The following SKAP2 variants were observed in gnomAD, a reference collection of about 807,000 sequenced individuals.
The protein encoded by SKAP2 is src kinase-associated phosphoprotein 2.
In SKAP2, 28 loss-of-function variants were observed where a neutral mutation model predicts 54.9. The ratio of observed to expected loss-of-function variants is 0.51; its 90% CI spans 0.38 to 0.70. SKAP2 has a LOEUF of 0.70. Ranked by LOEUF, SKAP2 falls within the 30% of genes least tolerant of loss-of-function variation. The pLI, the probability that SKAP2 is intolerant of heterozygous loss-of-function variation, is 0.00. For synonymous variants in SKAP2, 137 were observed against 134.3 expected, an observed-to-expected ratio of 1.02 and a Z score of -0.14; for missense variants, 356 against 424.1, an observed-to-expected ratio of 0.84 and a Z score of 1.41.
At chr7:26,723,539 T>G (rs978464290) in intron 9 of SKAP2, among the ~76,000 whole-genome samples, 2 of 151,852 alleles carry the variant, frequency 1.3e-5, no homozygotes, top group African/African-American at 2.4e-5. Context: ...AACAATTATG[T>G]GTGAGGGTGG....
chr7:26,824,433 G>A (rs1784447304), intron 4 of SKAP2, among the ~76,000 whole-genome samples: 1 of 152,168 alleles, frequency 6.6e-6, no homozygotes, highest in African/African-American at 2.4e-5. Flanking sequence ...AATTTTCCCA[G>A]AGAAGGCATA....
chr7:26,661,307 T>C, the SKAP2 span, among the ~76,000 whole-genome samples: 17 of 152,200 alleles, frequency 1.1e-4, no homozygotes, highest in African/African-American at 4.1e-4. Context: ...GAAAATAAAA[T>C]TGTGTCACTC....
intron 1 of SKAP2, among the ~76,000 whole-genome samples, chr7:26,857,023 C>A (rs1448980975): frequency 6.6e-6 from 1 of 150,650 alleles, no homozygotes; most frequent in African/African-American, 2.4e-5. Context: ...CCCTCTAACG[C>A]CCCCAAACAT....
intron 10 of SKAP2, among the ~76,000 whole-genome samples, chr7:26,686,643 C>A (rs1786648779): frequency 6.6e-6 from 1 of 152,116 alleles, no homozygotes; most frequent in Non-Finnish European, 1.5e-5. Context: ...CCTTTAAAAA[C>A]CACTTATTTA....
chr7:26,817,269 A>G (rs1162203569), intron 4 of SKAP2, among the ~76,000 whole-genome samples: 1 of 152,132 alleles, frequency 6.6e-6, no homozygotes, highest in African/African-American at 2.4e-5. Context: ...AGGTTTATAT[A>G]TCCATCAAGA....
chr7:26,812,504 A>G (rs1472050698), intron 4 of SKAP2, among the ~76,000 whole-genome samples: 1 of 152,154 alleles, frequency 6.6e-6, no homozygotes, highest in Admixed American at 6.6e-5. Flanking sequence ...AAAAAGCACC[A>G]TATGTTCTAA....
chr7:26,789,160 T>C (rs1459796584), intron 4 of SKAP2, among the ~76,000 whole-genome samples: 1 of 152,248 alleles, frequency 6.6e-6, no homozygotes, highest in Non-Finnish European at 1.5e-5. Context: ...TTTTCCATTA[T>C]AGTAATATAT....
intron 1 of SKAP2, among the ~76,000 whole-genome samples, chr7:26,858,484 A>T (rs948568915): frequency 2.0e-5 from 3 of 152,190 alleles, no homozygotes; most frequent in Non-Finnish European, 4.4e-5. Flanking sequence ...AACAAAATTA[A>T]AAGTTGACGT....
chr7:26,837,181 G>A (rs189579733), intron 4 of SKAP2, among the ~76,000 whole-genome samples: 10 of 152,094 alleles, frequency 6.6e-5, no homozygotes, highest in Non-Finnish European at 1.3e-4. Context: ...ACCATGGCCT[G>A]TCAGGGGGTT....
chr7:26,804,082 T>G (rs1471844423), intron 4 of SKAP2, among the ~76,000 whole-genome samples: 1 of 152,170 alleles, frequency 6.6e-6, no homozygotes, highest in East Asian at 1.9e-4. Flanking sequence ...CAACAGTAAC[T>G]TAATTGTATA....
intron 5 of SKAP2, 133 bp downstream of exon 5, chr7:26,739,751 TGTC>T: frequency 4.9e-6 from 3 of 617,238 alleles, no homozygotes; most frequent in Non-Finnish European, 8.3e-6. Context: ...GTTTGGATAA[TGTC>T]ATCCAGATTT....
chr7:26,809,404 AC>A (rs1174593953), intron 4 of SKAP2, among the ~76,000 whole-genome samples: 2 of 151,620 alleles, frequency 1.3e-5, no homozygotes, highest in African/African-American at 2.4e-5. Context: ...CAAGAGCAAA[AC>A]TTCGTTTCAC....
At chr7:26,850,406 C>T (rs1162473237) in intron 3 of SKAP2, among the ~76,000 whole-genome samples, 1 of 151,664 alleles carries the variant, frequency 6.6e-6, no homozygotes, top group African/African-American at 2.4e-5. Context: ...ATGGCGAAAA[C>T]CCATCTCTAC....
In SKAP2 at chr7:26,702,270, T is replaced by C. The variant is rs562487018; in HGVS notation, c.797-11908A>G. ...CCCAGGCTCATGTGATCCTCCCAAG[T>C]AGCTGAGACTGCAGGCGCACACTAC... On this transcript the variant is annotated intron_variant, in intron 9 of 12. Transcript: ENST00000345317. Among the ~76,000 whole-genome samples the C allele has an allele frequency of 2.0e-5, 3 of 152,256 alleles. No individual in the cohort carries two copies. The South Asian group carries it at 6.2e-4, about 32-fold the overall frequency.
At chr7:26,811,690 C>G (rs1784149469) in intron 4 of SKAP2, among the ~76,000 whole-genome samples, 1 of 152,138 alleles carries the variant, frequency 6.6e-6, no homozygotes, top group South Asian at 2.1e-4. Context: ...ACTAAGAAAA[C>G]TGTCTTTTGT....
At chr7:26,815,214 A>G (rs1185977823) in intron 4 of SKAP2, among the ~76,000 whole-genome samples, 1 of 152,180 alleles carries the variant, frequency 6.6e-6, no homozygotes, top group Non-Finnish European at 1.5e-5. Context: ...CAGTAATAAC[A>G]GGATTTTAAA....
chr7:26,802,209 G>C (rs532648004), intron 4 of SKAP2, among the ~76,000 whole-genome samples: 8 of 150,254 alleles, frequency 5.3e-5, no homozygotes, highest in Non-Finnish European at 1.0e-4. Context: ...CACACTTAGA[G>C]TGAAATCATT....
intron 4 of SKAP2, among the ~76,000 whole-genome samples, chr7:26,796,742 C>CAGT (rs1472632291): frequency 2.2e-4 from 33 of 152,152 alleles, no homozygotes; most frequent in African/African-American, 8.0e-4. Context: ...TATAAGAATG[C>CAGT]AGTATATAAT....
At chr7:26,756,152 A>G (rs775677874) in intron 4 of SKAP2, among the ~76,000 whole-genome samples, 6 of 152,202 alleles carry the variant, frequency 3.9e-5, no homozygotes, top group Non-Finnish European at 5.9e-5. Context: ...ATACTAATAT[A>G]TAGTGATATA....
Sources: gnomAD v4.1 joint callset for allele counts (sites outside exome capture counted in the v4.1 genomes callset) on GRCh38, gnomAD v4.1.1 for gene constraint, MANE v1.5 for transcripts, NCBI Gene and HGNC (gene_info 2026-07-23, HGNC 2026-07-21) for gene names.